NR2C1: variants seen among roughly 807,000 people sequenced by gnomAD.
NR2C1 encodes nuclear receptor subfamily 2 group C member 1, also known as TR2 nuclear hormone receptor.
In NR2C1, 33 loss-of-function variants were observed where a neutral mutation model predicts 74.8. The observed-to-expected ratio is 0.44, with a 90% CI of 0.33 to 0.59. The LOEUF is 0.59. Among genes scored for constraint, NR2C1 ranks in the 20% least tolerant of loss-of-function variants. The pLI, the probability that NR2C1 is intolerant of heterozygous loss-of-function variation, is 0.02. For synonymous variants in NR2C1, 225 were observed against 240.6 expected (o/e 0.94, Z 0.60); for missense variants, 568 against 715.6 (o/e 0.79, Z 2.35).
rs35546696 is a variant in NR2C1, at chr12:95,065,949, C to CAA, written c.54+1380_54+1381dup. Among the ~76,000 whole-genome samples the CAA allele has an allele frequency of 2.6e-4, 29 of 111,820 alleles. 1 individual carries two copies. The highest frequency in any genetic ancestry group is 5.3e-3 in the Middle Eastern group (1 of 188). The allele number at this position is 111,820 out of a possible 152,430, so 73.4% of individuals were successfully genotyped here. A position where few individuals can be genotyped will look rare whatever the true frequency, so the allele number is the denominator to read the frequency against. On this transcript the variant is annotated intron_variant, in intron 2 of 13. Coordinates refer to ENST00000333003, the MANE Select transcript of NR2C1 (RefSeq NM_003297.4). The stretch of plus-strand genomic sequence containing the variant: ...TGGACAACAGAGCGAGACTTTGTCT[C>CAA]AAAAAAAAAAAAAAAAATTATTGAC...
chr12:95,026,676 A>G (rs1349238066), intron 12 of NR2C1, among the ~76,000 whole-genome samples: 1 of 152,226 alleles, frequency 6.6e-6, no homozygotes, highest in Non-Finnish European at 1.5e-5. Context: ...AAGAAATAGT[A>G]CAAGCTTTCA....
chr12:95,071,796 T>C (rs1382466841), intron 1 of NR2C1, among the ~76,000 whole-genome samples: 2 of 151,430 alleles, frequency 1.3e-5, no homozygotes, highest in East Asian at 3.9e-4. Flanking sequence ...TTGCCCAGGC[T>C]GGAGTGCAAT....
At chr12:95,070,635 T>G (rs911833960) in intron 1 of NR2C1, among the ~76,000 whole-genome samples, 1 of 152,206 alleles carries the variant, frequency 6.6e-6, no homozygotes, top group African/African-American at 2.4e-5. Flanking sequence ...TTATCCTTAT[T>G]CTCCAGCTTC....
intron 10 of NR2C1, among the ~76,000 whole-genome samples, chr12:95,032,060 G>A (rs553879326): frequency 6.6e-6 from 1 of 152,290 alleles, no homozygotes; most frequent in Non-Finnish European, 1.5e-5. Context: ...TAGAGACAAG[G>A]TTTTGCCGTC....
At chr12:95,069,708 T>C (rs907002512) in intron 1 of NR2C1, among the ~76,000 whole-genome samples, 18 of 151,896 alleles carry the variant, frequency 1.2e-4, no homozygotes, top group African/African-American at 2.9e-4. Flanking sequence ...TTCCTTTTTT[T>C]CCCCCATAAT....
intron 7 of NR2C1, among the ~76,000 whole-genome samples, chr12:95,054,304 T>C (rs1873509682): frequency 6.6e-6 from 1 of 151,934 alleles, no homozygotes; most frequent in African/African-American, 2.4e-5. Flanking sequence ...TCTATGCTTT[T>C]TTTTTTTTTT....
rs183021453 is a variant in NR2C1 at position 95,067,173 on chromosome 12, T to C, written c.54+158A>G. The stretch of plus-strand genomic sequence containing the variant: ...TCACAGAACTTACCACATTCTACTA[T>C]GAATTGTCTGATTATTCAACTATCT... On this transcript the variant is annotated intron_variant, in intron 2 of 13. Coordinates refer to ENST00000333003, the MANE Select transcript of NR2C1 (RefSeq NM_003297.4). The C allele has an allele frequency of 1.2e-5, 8 of 687,558 alleles. No homozygotes were observed. In the Admixed American group the frequency reaches 1.9e-4, roughly 17 times the overall value. The allele number at this position is 687,558 out of a possible 1,614,324, so 42.6% of individuals were successfully genotyped here.
At chr12:95,054,033 CATTT>C (rs1440406083) in intron 7 of NR2C1, among the ~76,000 whole-genome samples, 1 of 152,102 alleles carries the variant, frequency 6.6e-6, no homozygotes, top group Non-Finnish European at 1.5e-5. Flanking sequence ...CATGATGTTT[CATTT>C]ATTATAACAA....
intron 13 of NR2C1, 79 bp downstream of exon 13, chr12:95,025,071 G>A: frequency 1.7e-6 from 1 of 593,892 alleles, no homozygotes; most frequent in East Asian, 3.1e-5. Flanking sequence ...TAATTATTGT[G>A]AGAGTAGTAA....
chr12:95,072,137 G>C (rs944823267), intron 1 of NR2C1, among the ~76,000 whole-genome samples: 6 of 151,014 alleles, frequency 4.0e-5, no homozygotes, highest in Non-Finnish European at 4.4e-5. Context: ...TCATCGGCCG[G>C]GCGCGGTGGC....
In NR2C1 at chr12:95,031,376, T is replaced by C. The variant is rs1870089122; in HGVS notation, c.1366A>G (p.Asn456Asp). 1.2e-6 allele frequency: 2 copies of C among 1,604,164 alleles called. No individual in the cohort carries two copies. Among genetic ancestry groups the C allele is most frequent in the African/African-American group, 1.3e-5 (1 of 74,454 alleles). The part of the protein sequence containing the change: ...NVATILATFV[N>D]CLHNSLQQDK... ...TGTTGAAGACTATTGTGAAGACAATTGACAAATGTTGCTAATATAGTTGCT... is the reference window on the plus strand; with the variant it reads ...TGTTGAAGACTATTGTGAAGACAATCGACAAATGTTGCTAATATAGTTGCT... The change falls in exon 11 of 14, where the codon AAT (asparagine) becomes GAT (aspartate). Residue 456 changes from asparagine to aspartate, a missense_variant. This residue lies in a region of NR2C1 where 117 missense variants were observed against 186.7 expected (regional missense o/e 0.63). Transcript: ENST00000333003.
rs79760875 is a variant in NR2C1 at position 95,059,986 on chromosome 12, TAAAAA to T, written c.286-7_286-3del. 7,067 of 1,065,278 alleles carry T rather than the reference TAAAAA, an allele frequency of 6.6e-3. No homozygotes were observed. Among genetic ancestry groups the T allele is most frequent in the Middle Eastern group, 7.6e-3 (23 of 3,022 alleles). The allele number at this position is 1,065,278 out of a possible 1,614,324, so 66.0% of individuals were successfully genotyped here. On this transcript the variant is annotated splice_region_variant and splice_polypyrimidine_tract_variant and intron_variant, in intron 3 of 13. Transcript: ENST00000333003. ...GTCTGGAGAATTATCTGTTAGGAGC[TAAAAA>T]AAAAAAAAAAAAAAAAGAAAACAAA...
chr12:95,052,405 C>T (rs913878023), intron 7 of NR2C1, among the ~76,000 whole-genome samples: 3 of 152,238 alleles, frequency 2.0e-5, no homozygotes, highest in Non-Finnish European at 4.4e-5. Context: ...CTGCCTGCCT[C>T]GGCCTCCCAA....
chr12:95,066,466 A>AT (rs1282260620), intron 2 of NR2C1, among the ~76,000 whole-genome samples: 1 of 152,214 alleles, frequency 6.6e-6, no homozygotes, highest in African/African-American at 2.4e-5. Flanking sequence ...GTTAAAGAAA[A>AT]TTCAGCTTCG....
chr12:95,055,099 AG>A (rs1406636459), intron 7 of NR2C1, among the ~76,000 whole-genome samples: 2 of 152,208 alleles, frequency 1.3e-5, no homozygotes, highest in Non-Finnish European at 2.9e-5. Flanking sequence ...CAGGATCCCA[AG>A]GCAGAAGAAT....
chr12:95,047,550 A>G (rs1872465370), intron 9 of NR2C1, among the ~76,000 whole-genome samples: 1 of 152,206 alleles, frequency 6.6e-6, no homozygotes, highest in Non-Finnish European at 1.5e-5. Context: ...CTTTGCACTC[A>G]TAACTTCTAC....
chr12:95,025,566 G>A (rs1411920468), intron 12 of NR2C1, among the ~76,000 whole-genome samples: 1 of 150,218 alleles, frequency 6.7e-6, no homozygotes, highest in Non-Finnish European at 1.5e-5. Flanking sequence ...ACTGAGGCAG[G>A]AGAATCACTT....
chr12:95,053,166 GT>G (rs959220451), intron 7 of NR2C1, among the ~76,000 whole-genome samples: 6 of 151,916 alleles, frequency 3.9e-5, no homozygotes, highest in African/African-American at 1.5e-4. Flanking sequence ...TAGAGATGGG[GT>G]TTCATCATGT....
rs1478110371 is a variant in NR2C1 at position 95,058,285 on chromosome 12, T to C, written c.544+25A>G. 3 of 1,568,370 alleles carry C rather than the reference T, an allele frequency of 1.9e-6. No individual in the cohort carries two copies. In the African/African-American group the frequency reaches 4.1e-5, roughly 22 times the overall value. On this transcript the variant is annotated intron_variant, in intron 5 of 13. Transcript: ENST00000333003. ...GTTTGCTGGAATCTTTAAAAAGTAT[T>C]TTCTCCTTAAAAGCTAATACATACA...
Sources: allele counts gnomAD v4.1 joint callset (sites outside exome capture counted in the v4.1 genomes callset), GRCh38; gene constraint gnomAD v4.1.1; regional missense constraint gnomAD v4.1.1; transcripts MANE v1.5; gene names NCBI Gene and HGNC (gene_info 2026-07-23, HGNC 2026-07-21).